The following SPIDR variants were observed in gnomAD, a reference collection of about 807,000 sequenced individuals.
SPIDR encodes scaffold protein involved in DNA repair.
Under a neutral mutation model 104.6 loss-of-function variants are expected in SPIDR, and 93 were observed. The observed-to-expected ratio is 0.89, with a 90% CI of 0.75 to 1.06. The LOEUF (loss-of-function observed/expected upper bound fraction) is 1.06, where lower values mean the gene tolerates loss of function less well. Among genes scored for constraint, SPIDR ranks in the 50% least tolerant of loss-of-function variants. The probability of loss-of-function intolerance (pLI) is 0.00; values close to 1 mark genes in which losing one functional copy is unlikely to be tolerated. For synonymous variants in SPIDR, 431 were observed against 416.9 expected (o/e 1.03, Z -0.41); for missense variants, 1,154 against 1,111.2 (o/e 1.04, Z -0.55).
At chr8:47,418,788 G>A (rs1484242197) in intron 7 of SPIDR, among the ~76,000 whole-genome samples, 1 of 152,128 alleles carries the variant, frequency 6.6e-6, no homozygotes, top group Non-Finnish European at 1.5e-5. Flanking sequence ...TTTGAGATAC[G>A]TCCCATCAAT....
At chr8:47,321,071 A>G (rs892231834) in intron 5 of SPIDR, among the ~76,000 whole-genome samples, 13 of 152,170 alleles carry the variant, frequency 8.5e-5, no homozygotes, top group African/African-American at 2.9e-4. Flanking sequence ...CCTATTCAAC[A>G]TGGTGTTGGA....
intron 8 of SPIDR, among the ~76,000 whole-genome samples, chr8:47,580,352 C>A (rs1241541756): frequency 6.6e-6 from 1 of 152,190 alleles, no homozygotes; most frequent in Non-Finnish European, 1.5e-5. Context: ...GCCGACCATC[C>A]TTCCCACTGA....
chr8:47,454,405 C>T (rs1488476263), intron 8 of SPIDR, among the ~76,000 whole-genome samples: 1 of 151,890 alleles, frequency 6.6e-6, no homozygotes, highest in Non-Finnish European at 1.5e-5. Context: ...CATGTTCTCA[C>T]TCTTAGGTGG....
At chr8:47,573,104 A>C (rs191360378) in intron 8 of SPIDR, among the ~76,000 whole-genome samples, 1 of 152,334 alleles carries the variant, frequency 6.6e-6, no homozygotes, top group African/African-American at 2.4e-5. Context: ...AAATGACTTG[A>C]AGTTCTATTT....
At chr8:47,516,195 C>T (rs1293749146) in intron 8 of SPIDR, among the ~76,000 whole-genome samples, 3 of 152,134 alleles carry the variant, frequency 2.0e-5, no homozygotes, top group African/African-American at 4.8e-5. Context: ...TTCTTTGGCT[C>T]GGCCTCCCAA....
intron 8 of SPIDR, among the ~76,000 whole-genome samples, chr8:47,573,703 T>C (rs1395856971): frequency 6.6e-6 from 1 of 152,220 alleles, no homozygotes; most frequent in East Asian, 1.9e-4. Flanking sequence ...AGGCCACCAG[T>C]CTCACTTTTG....
intron 10 of SPIDR, among the ~76,000 whole-genome samples, chr8:47,672,762 T>C (rs547210461): frequency 4.6e-5 from 7 of 152,244 alleles, no homozygotes; most frequent in Non-Finnish European, 7.3e-5. Context: ...TCCCACATGA[T>C]GGTTTGTTTC....
At chr8:47,497,503 T>G (rs1346387637) in intron 8 of SPIDR, among the ~76,000 whole-genome samples, 1 of 152,214 alleles carries the variant, frequency 6.6e-6, no homozygotes, top group Non-Finnish European at 1.5e-5. Context: ...CACATCTTTG[T>G]GAATTTTCCA....
chr8:47,360,244 C>CAAAAAAAAA (rs1186187617), intron 5 of SPIDR, among the ~76,000 whole-genome samples: 24 of 38,938 alleles, frequency 6.2e-4, no homozygotes, highest in African/African-American at 1.7e-3. Context: ...GACTCCATCT[C>CAAAAAAAAA]AAAAAAAAAA....
At chr8:47,456,111 G>A (rs144670832) in intron 8 of SPIDR, among the ~76,000 whole-genome samples, 1 of 152,306 alleles carries the variant, frequency 6.6e-6, no homozygotes, top group African/African-American at 2.4e-5. Flanking sequence ...AAAGTGTTAT[G>A]AATTGAATTT....
intron 5 of SPIDR, among the ~76,000 whole-genome samples, chr8:47,384,319 A>AAC (rs2059642169): frequency 1.3e-5 from 2 of 152,218 alleles, no homozygotes; most frequent in Non-Finnish European, 2.9e-5. Flanking sequence ...GTATAGCTTT[A>AAC]CTGATACTTC....
chr8:47,542,795 A>G (rs772762472), intron 8 of SPIDR, among the ~76,000 whole-genome samples: 2 of 152,182 alleles, frequency 1.3e-5, no homozygotes, highest in Non-Finnish European at 2.9e-5. Flanking sequence ...AATAGTTTCA[A>G]CACCAAAGGA....
At chr8:47,379,297 C>A (rs2059045065) in intron 5 of SPIDR, among the ~76,000 whole-genome samples, 1 of 152,164 alleles carries the variant, frequency 6.6e-6, no homozygotes, top group African/African-American at 2.4e-5. Flanking sequence ...CGCCTGTAAT[C>A]CTAGCACTTT....
intron 10 of SPIDR, among the ~76,000 whole-genome samples, chr8:47,666,358 T>C (rs1046125689): frequency 7.2e-5 from 11 of 152,214 alleles, no homozygotes; most frequent in South Asian, 6.2e-4. Context: ...AGACTGATGA[T>C]CTATTCCTTA....
intron 10 of SPIDR, among the ~76,000 whole-genome samples, chr8:47,638,219 G>A (rs1355800456): frequency 6.6e-6 from 1 of 151,882 alleles, no homozygotes; most frequent in Non-Finnish European, 1.5e-5. Context: ...CCTGGAATCA[G>A]CCATTTTTCC....
chr8:47,673,813 G>T lies in SPIDR; in HGVS notation c.1557G>T (p.Leu519=), dbSNP rs201348051. 1.4e-5 allele frequency: 22 copies of T among 1,614,066 alleles called. No individual in the cohort carries two copies. The highest frequency in any genetic ancestry group is 1.6e-4 in the Middle Eastern group (1 of 6,062). The stretch of plus-strand genomic sequence containing the variant: ...TGGTTTTTTACAGAGCCTGCCTTCT[G>T]GTACAAGATGCCTGTGGAATGTTCG... The part of the protein sequence containing the change: ...TDPAGTRACL[L]VQDACGMFGE... Residue 519 remains leucine, a synonymous_variant, in exon 11 of 20, where the codon CTG becomes CTT. Transcript: ENST00000297423.
chr8:47,624,785 C>A (rs2065771984), intron 10 of SPIDR, among the ~76,000 whole-genome samples: 1 of 152,176 alleles, frequency 6.6e-6, no homozygotes, highest in Non-Finnish European at 1.5e-5. Flanking sequence ...CATATGGATT[C>A]AAAGCCGAAT....
chr8:47,560,638 T>C (rs2056947954), intron 8 of SPIDR, among the ~76,000 whole-genome samples: 1 of 152,234 alleles, frequency 6.6e-6, no homozygotes, highest in Non-Finnish European at 1.5e-5. Context: ...TGGCTGATGA[T>C]GATTTTTTCT....
intron 5 of SPIDR, among the ~76,000 whole-genome samples, chr8:47,381,424 A>G (rs182104328): frequency 2.0e-5 from 3 of 150,090 alleles, no homozygotes; most frequent in South Asian, 2.1e-4. Context: ...TTACCATCCA[A>G]CCTCCTTAAA....
Sources: gnomAD v4.1 joint callset for allele counts (sites outside exome capture counted in the v4.1 genomes callset) on GRCh38, gnomAD v4.1.1 for gene constraint, MANE v1.5 for transcripts, NCBI Gene and HGNC (gene_info 2026-07-23, HGNC 2026-07-21) for gene names.